Variants in AKAP9 observed in about 807,000 individuals in gnomAD.
AKAP9 encodes A-kinase anchor protein 9.
AKAP9 carries 311 observed loss-of-function variants against 488.5 expected under a neutral mutation model. The ratio of observed to expected loss-of-function variants is 0.64; its 90% CI spans 0.58 to 0.70. AKAP9 has a LOEUF of 0.70. AKAP9 is among the 30% of genes least tolerant of loss of function. The pLI is 0.00. For missense variants in AKAP9, 4,215 were observed against 4,374.5 expected (o/e 0.96, Z 1.03); for synonymous variants, 1,462 against 1,483.5 (o/e 0.99, Z 0.33).
chr7:91,967,976 T>C (rs904716584), intron 1 of AKAP9, among the ~76,000 whole-genome samples: 12 of 152,154 alleles, frequency 7.9e-5, no homozygotes, highest in African/African-American at 2.9e-4. Flanking sequence ...GGTCTCCTGT[T>C]GCCTAGGCTG....
chr7:92,095,742 C>T (rs184676681), intron 40 of AKAP9, among the ~76,000 whole-genome samples: 1 of 152,118 alleles, frequency 6.6e-6, no homozygotes, highest in Admixed American at 6.5e-5. Flanking sequence ...AATCCTAATT[C>T]TCACTAACTC....
At chr7:91,942,318 A>G (rs181984824) in intron 1 of AKAP9, among the ~76,000 whole-genome samples, 15 of 152,368 alleles carry the variant, frequency 9.8e-5, no homozygotes, top group African/African-American at 3.6e-4. Flanking sequence ...ATATATATAT[A>G]AAAACTAGCT....
Position 92,024,201 on chromosome 7 carries a change from T to A in AKAP9, c.4148+1192T>A, listed in dbSNP as rs370994704. 2.6e-5 allele frequency among the ~76,000 whole-genome samples: 4 copies of A among 151,562 alleles called. No homozygotes were observed. The East Asian group carries it at 7.8e-4, about 29-fold the overall frequency. On this transcript the variant is annotated intron_variant, in intron 14 of 49. Transcript: ENST00000356239. Reference sequence around the variant, plus strand: ...CTGAGGCAGGCAGATTACCTGAGGTTAGGAGTTCGAGACCAGCCTGGCCAA... The same window carrying A: ...CTGAGGCAGGCAGATTACCTGAGGTAAGGAGTTCGAGACCAGCCTGGCCAA...
At chr7:92,095,278 A>G (rs1165140615) in intron 40 of AKAP9, 105 bp downstream of exon 40, 2 of 1,295,596 alleles carry the variant, frequency 1.5e-6, no homozygotes, top group East Asian at 4.9e-5. Context: ...TCTTAATAAG[A>G]TATGGTAAGT....
chr7:91,948,605 C>CT lies in AKAP9; in HGVS notation c.48+7481dup, dbSNP rs55928500. Reference sequence around the variant, plus strand: ...GCACTTTTTGGCCACTTGTAGATTTCTTTTTTTTTTTTTTTTTTTTTTTGA... The same window carrying CT: ...GCACTTTTTGGCCACTTGTAGATTTCTTTTTTTTTTTTTTTTTTTTTTTTGA... On this transcript the variant is annotated intron_variant, in intron 1 of 49. Coordinates refer to ENST00000356239, the MANE Select transcript of AKAP9 (RefSeq NM_005751.5). Among the ~76,000 whole-genome samples the CT allele has an allele frequency of 3.0e-3, 324 of 107,458 alleles. 1 individual carries two copies. The highest frequency in any genetic ancestry group is 4.1e-3 in the Non-Finnish European group (222 of 54,508). 70.5% of individuals were successfully genotyped at this position (107,458 alleles called of 152,430 possible). A position where few individuals can be genotyped will look rare whatever the true frequency, so the allele number is the denominator to read the frequency against.
In AKAP9 at chr7:92,079,796, C is replaced by T. The variant is rs1185065742; in HGVS notation, c.7663C>T (p.Leu2555Phe). 3 of 1,614,018 alleles carry T rather than the reference C, an allele frequency of 1.9e-6. No homozygotes were observed. Among genetic ancestry groups the T allele is most frequent in the South Asian group, 2.2e-5 (2 of 91,060 alleles). Residue 2555 changes from leucine to phenylalanine, a missense_variant, in exon 31 of 50, where the codon CTT becomes TTT. Physicochemically the swap from Leu to Phe is conservative, Grantham distance 22. Coordinates refer to ENST00000356239, the MANE Select transcript of AKAP9 (RefSeq NM_005751.5). Reference sequence around the variant, plus strand: ...AGTTGAAGAAAAAGTGGCTGCTGCTCTTGTCAGTCAAATCCAACTTGAGGC... The same window carrying T: ...AGTTGAAGAAAAAGTGGCTGCTGCTTTTGTCAGTCAAATCCAACTTGAGGC... The part of the protein sequence containing the change: ...KIVEEKVAAA[L>F]VSQIQLEAVQ...
rs112540023 is a variant in AKAP9, at chr7:92,049,589, C to T, written c.5369-3137C>T. Among the ~76,000 whole-genome samples, 21 of 151,544 alleles carry T rather than the reference C, an allele frequency of 1.4e-4. 1 individual carries two copies. Among genetic ancestry groups the T allele is most frequent in the Non-Finnish European group, 2.2e-4 (15 of 67,914 alleles). On this transcript the variant is annotated intron_variant, in intron 21 of 49. Transcript: ENST00000356239. Reference sequence around the variant, plus strand: ...TCCAGCTACTGCACTCCAGCCTGGGCGACAGAGTGAGACTCCATCTCAAAA... The same window carrying T: ...TCCAGCTACTGCACTCCAGCCTGGGTGACAGAGTGAGACTCCATCTCAAAA...
At position 92,086,229 on chromosome 7, in the gene AKAP9, T is replaced by TTTA; in HGVS notation, c.9028_9030dup (p.Tyr3010dup). ...CTATCGTTATATGTACTTTGCTAGG[T>TTTA]TTATGATAGTTCTCAATCTCATGAG... On this transcript the variant is annotated inframe_insertion and splice_region_variant, in exon 37 of 50. Coordinates refer to ENST00000356239, the MANE Select transcript of AKAP9 (RefSeq NM_005751.5). 1 of 1,613,438 alleles carries TTTA rather than the reference T, an allele frequency of 6.2e-7. No homozygotes were observed.
In AKAP9 at chr7:92,045,893, G is replaced by A. The variant is rs546756529; in HGVS notation, c.5368+680G>A. ...CTGTCGCCCAGGCTGGAGTGCAGTG[G>A]CGCAGTCTGGGCTCACTGCAACCTC... On this transcript the variant is annotated intron_variant, in intron 21 of 49. Coordinates refer to ENST00000356239, the MANE Select transcript of AKAP9 (RefSeq NM_005751.5). 3.4e-4 allele frequency among the ~76,000 whole-genome samples: 51 copies of A among 148,716 alleles called. 1 individual carries two copies. In the East Asian group the frequency reaches 9.7e-3, roughly 28 times the overall value.
chr7:92,044,295 C>T (rs1806597272), intron 20 of AKAP9, among the ~76,000 whole-genome samples: 1 of 152,030 alleles, frequency 6.6e-6, no homozygotes, highest in African/African-American at 2.4e-5. Context: ...TAGTTGAAAA[C>T]AGGTTTCTTC....
At chr7:92,015,920 T>G (rs1408388194) in intron 10 of AKAP9, among the ~76,000 whole-genome samples, 1 of 152,206 alleles carries the variant, frequency 6.6e-6, no homozygotes, top group African/African-American at 2.4e-5. Context: ...ATGAAGTTTA[T>G]TATCTTCCTG....
chr7:91,944,881 A>T (rs1306851915), intron 1 of AKAP9, among the ~76,000 whole-genome samples: 1 of 152,172 alleles, frequency 6.6e-6, no homozygotes, highest in Non-Finnish European at 1.5e-5. Context: ...ATATTGTTAG[A>T]CATTTTATAG....
intron 35 of AKAP9, among the ~76,000 whole-genome samples, chr7:92,085,172 G>A (rs1018818260): frequency 2.6e-5 from 4 of 152,024 alleles, no homozygotes; most frequent in African/African-American, 7.2e-5. Context: ...TGATGTATTC[G>A]TTTGCCAGAA....
At chr7:92,068,313 C>A (rs1031377638) in intron 26 of AKAP9, among the ~76,000 whole-genome samples, 3 of 142,574 alleles carry the variant, frequency 2.1e-5, no homozygotes, top group African/African-American at 8.0e-5. Context: ...TTGCAGTGAG[C>A]TGAGATCACG....
At chr7:92,073,488 A>G (rs968930723) in intron 28 of AKAP9, among the ~76,000 whole-genome samples, 2 of 152,142 alleles carry the variant, frequency 1.3e-5, no homozygotes, top group African/African-American at 4.8e-5. Context: ...CGTGGGCAAC[A>G]GAGTGAGACT....
chr7:92,033,442 C>CTTTTTTTTTTTTTTTTT (rs35497475), intron 16 of AKAP9, among the ~76,000 whole-genome samples: 5 of 107,370 alleles, frequency 4.7e-5, no homozygotes, highest in African/African-American at 1.1e-4. Flanking sequence ...CTTTTCTTTT[C>CTTTTTTTTTTTTTTTTT]TTTTTTTTTT....
chr7:92,044,350 G>C (rs1426063268), intron 20 of AKAP9, among the ~76,000 whole-genome samples: 1 of 152,102 alleles, frequency 6.6e-6, no homozygotes, highest in Non-Finnish European at 1.5e-5. Context: ...AGAAATTTCT[G>C]TCCCTGGAGC....
In AKAP9 at chr7:92,045,214, G is replaced by A; in HGVS notation, c.5368+1G>A. The A allele has an allele frequency of 6.2e-7, 1 of 1,613,120 alleles. No homozygotes were observed. Among genetic ancestry groups the A allele is most frequent in the Admixed American group, 1.7e-5 (1 of 59,980 alleles). On this transcript the variant is annotated splice_donor_variant, in intron 21 of 49. Coordinates refer to ENST00000356239, the MANE Select transcript of AKAP9 (RefSeq NM_005751.5). LOFTEE classifies it high-confidence loss of function. ...TGTGTCCATGAGGAACATACAAGAG[G>A]TACTAGTTTTCTGTGTTGTGGAAAC...
At chr7:92,067,948 G>A (rs759945024) in intron 26 of AKAP9, among the ~76,000 whole-genome samples, 3 of 152,056 alleles carry the variant, frequency 2.0e-5, no homozygotes, top group South Asian at 4.2e-4. Flanking sequence ...TTTTTATTTC[G>A]AATGTAATTT....
Sources: allele counts gnomAD v4.1 joint callset (sites outside exome capture counted in the v4.1 genomes callset), GRCh38; gene constraint gnomAD v4.1.1; transcripts MANE v1.5; gene names NCBI Gene and HGNC (gene_info 2026-07-23, HGNC 2026-07-21).